PRR16: variants seen among roughly 807,000 people sequenced by gnomAD.
PRR16 encodes the protein protein Largen.
In PRR16, 6 loss-of-function variants were observed where a neutral mutation model predicts 18.2. The observed-to-expected ratio is 0.33, with a 90% CI of 0.18 to 0.65. The LOEUF (loss-of-function observed/expected upper bound fraction) is 0.65. Ranked by LOEUF, PRR16 falls within the 30% of genes least tolerant of loss-of-function variation. The pLI is 0.74. For missense variants in PRR16, 412 were observed against 376.6 expected (o/e 1.09, Z -0.78); for synonymous variants, 151 against 147.8 (o/e 1.02, Z -0.16).
At chr5:120,678,329 G>A (rs1294290528) in intron 1 of PRR16, among the ~76,000 whole-genome samples, 2 of 152,106 alleles carry the variant, frequency 1.3e-5, no homozygotes, top group Non-Finnish European at 2.9e-5. Context: ...ATCTGGGATT[G>A]GAGGGATTAA....
chr5:120,484,071 C>T (rs1749709300), intron 1 of PRR16, among the ~76,000 whole-genome samples: 1 of 151,790 alleles, frequency 6.6e-6, no homozygotes, highest in Admixed American at 6.6e-5. Flanking sequence ...TAGCTCAACA[C>T]AGGAAAAACC....
chr5:120,732,885 T>C, the PRR16 span, among the ~76,000 whole-genome samples: 2 of 152,136 alleles, frequency 1.3e-5, no homozygotes, highest in African/African-American at 4.8e-5. Context: ...AAATCAGATA[T>C]TATAAAAACA....
chr5:120,511,661 A>G (rs374426688), intron 1 of PRR16, among the ~76,000 whole-genome samples: 3 of 152,288 alleles, frequency 2.0e-5, no homozygotes, highest in South Asian at 4.1e-4. Flanking sequence ...TACTCAATTA[A>G]TGTATTTATT....
chr5:120,625,493 A>G (rs964116918), intron 1 of PRR16, among the ~76,000 whole-genome samples: 1 of 152,134 alleles, frequency 6.6e-6, no homozygotes, highest in African/African-American at 2.4e-5. Flanking sequence ...GTGATCCACC[A>G]TGCCCAGCTA....
chr5:120,695,352 A>G, the PRR16 span, among the ~76,000 whole-genome samples: 1 of 152,200 alleles, frequency 6.6e-6, no homozygotes, highest in Non-Finnish European at 1.5e-5. Context: ...ATGACTTCTC[A>G]ATAATTTTTC....
chr5:120,538,288 A>G (rs1039240000), intron 1 of PRR16, among the ~76,000 whole-genome samples: 11 of 152,192 alleles, frequency 7.2e-5, no homozygotes, highest in Non-Finnish European at 1.5e-4. Context: ...AGTTTAATTG[A>G]TAAGCATTCT....
At chr5:120,572,731 G>T (rs1298204920) in intron 1 of PRR16, among the ~76,000 whole-genome samples, 2 of 152,088 alleles carry the variant, frequency 1.3e-5, no homozygotes, top group African/African-American at 2.4e-5. Flanking sequence ...TCAAGAAGGA[G>T]CTAATGAAGA....
At position 120,596,469 on chromosome 5, in the gene PRR16, G is replaced by A. The variant is rs79556575; in HGVS notation, c.160-89485G>A. On this transcript the variant is annotated intron_variant, in intron 1 of 1. Coordinates refer to ENST00000407149, the MANE Select transcript of PRR16 (RefSeq NM_001300783.2). ...TATTTGGGGCCATTTAATTACTTTC[G>A]TTTTTCTTCTTTGTTGTAGGAAGCA... Among the ~76,000 whole-genome samples, 758 of 151,368 alleles carry A rather than the reference G, an allele frequency of 5.0e-3. 8 individuals carry two copies. Among genetic ancestry groups the A allele is most frequent in the African/African-American group, 0.017 (718 of 41,342 alleles).
intron 1 of PRR16, among the ~76,000 whole-genome samples, chr5:120,664,095 T>G (rs893019002): frequency 2.6e-5 from 4 of 152,064 alleles, no homozygotes; most frequent in African/African-American, 9.7e-5. Flanking sequence ...GGTCATGAGT[T>G]CGAGACCAGC....
intron 1 of PRR16, among the ~76,000 whole-genome samples, chr5:120,608,391 A>G (rs1300235528): frequency 6.6e-6 from 1 of 152,198 alleles, no homozygotes; most frequent in African/African-American, 2.4e-5. Context: ...TGTTGAAACC[A>G]GCACTGGTAT....
chr5:120,662,787 G>A (rs1756220798), intron 1 of PRR16, among the ~76,000 whole-genome samples: 1 of 152,096 alleles, frequency 6.6e-6, no homozygotes, highest in Non-Finnish European at 1.5e-5. Flanking sequence ...GGCCCAGCAC[G>A]AAGGTGAGCT....
At chr5:120,639,530 A>ATGC (rs1443921802) in intron 1 of PRR16, among the ~76,000 whole-genome samples, 1 of 152,052 alleles carries the variant, frequency 6.6e-6, no homozygotes, top group Non-Finnish European at 1.5e-5. Context: ...TGATGAAGGG[A>ATGC]TGCTGGATTT....
At chr5:120,465,892 T>G (rs927578570) in intron 1 of PRR16, among the ~76,000 whole-genome samples, 1 of 152,202 alleles carries the variant, frequency 6.6e-6, no homozygotes, top group Admixed American at 6.5e-5. Context: ...ATTAACCTCC[T>G]GTATTCAATT....
the PRR16 span, among the ~76,000 whole-genome samples, chr5:120,736,123 CCA>C: frequency 7.2e-5 from 11 of 152,158 alleles, no homozygotes; most frequent in African/African-American, 2.2e-4. Flanking sequence ...GATCATTTGA[CCA>C]CACACGCAAG....
At chr5:120,641,111 G>C (rs1175765007) in intron 1 of PRR16, among the ~76,000 whole-genome samples, 1 of 152,188 alleles carries the variant, frequency 6.6e-6, no homozygotes, top group Non-Finnish European at 1.5e-5. Context: ...AGGGTGAGAG[G>C]CTAAACACAA....
chr5:120,633,052 T>A (rs539358052), intron 1 of PRR16, among the ~76,000 whole-genome samples: 3 of 151,746 alleles, frequency 2.0e-5, no homozygotes, highest in Admixed American at 6.6e-5. Context: ...ACCATCAGGA[T>A]AGAAGAGATT....
the PRR16 span, among the ~76,000 whole-genome samples, chr5:120,783,435 C>A: frequency 1.3e-5 from 2 of 152,026 alleles, no homozygotes; most frequent in African/African-American, 2.4e-5. Flanking sequence ...GAAAGTAGAA[C>A]GTACTAGATA....
At chr5:120,485,390 G>A (rs1184701209) in intron 1 of PRR16, among the ~76,000 whole-genome samples, 1 of 152,148 alleles carries the variant, frequency 6.6e-6, no homozygotes, top group Non-Finnish European at 1.5e-5. Context: ...GACCATATAA[G>A]TAATTAGGTA....
intron 1 of PRR16, among the ~76,000 whole-genome samples, chr5:120,603,802 C>T (rs972581223): frequency 1.3e-5 from 2 of 151,746 alleles, no homozygotes; most frequent in African/African-American, 2.4e-5. Context: ...GTCTTAATTA[C>T]TTTTTTTCAC....
Sources: allele counts gnomAD v4.1 joint callset (sites outside exome capture counted in the v4.1 genomes callset), GRCh38; gene constraint gnomAD v4.1.1; transcripts MANE v1.5; gene names NCBI Gene and HGNC (gene_info 2026-07-23, HGNC 2026-07-21).